TECTA: variants seen among roughly 807,000 people sequenced by gnomAD.
TECTA encodes the protein tectorin alpha, also known as alpha-tectorin.
In TECTA, 128 loss-of-function variants were observed where a neutral mutation model predicts 216.8. That is an observed-to-expected ratio of 0.59 (90% CI 0.51 to 0.68). The LOEUF (loss-of-function observed/expected upper bound fraction) is 0.68, where lower values mean the gene tolerates loss of function less well. Among genes scored for constraint, TECTA ranks in the 30% least tolerant of loss-of-function variants. The pLI, the probability that TECTA is intolerant of heterozygous loss-of-function variation, is 0.00. For synonymous variants in TECTA, 1,089 were observed against 1,117.1 expected, an observed-to-expected ratio of 0.97 and a Z score of 0.50; for missense variants, 2,551 against 2,786.2, an observed-to-expected ratio of 0.92 and a Z score of 1.90.
chr11:121,141,890 A>C (rs1002643692), intron 11 of TECTA, among the ~76,000 whole-genome samples: 3 of 152,230 alleles, frequency 2.0e-5, no homozygotes, highest in Non-Finnish European at 2.9e-5. Context: ...GTTAATGTCC[A>C]TGTAACATGA....
At chr11:121,138,094 C>A in intron 11 of TECTA, 72 bp downstream of exon 11, 1 of 1,603,402 alleles carries the variant, frequency 6.2e-7, no homozygotes, top group African/African-American at 1.3e-5. Flanking sequence ...AGCCAGGCTG[C>A]AGCTGAATCA....
chr11:121,168,619 G>A (rs2134197769), intron 19 of TECTA, 58 bp from the exon 20 acceptor site: 1 of 1,613,524 alleles, frequency 6.2e-7, no homozygotes, highest in Non-Finnish European at 8.5e-7. Flanking sequence ...AAAAATGGTA[G>A]GTAATTGAAT....
intron 11 of TECTA, among the ~76,000 whole-genome samples, chr11:121,142,242 C>T (rs1299617331): frequency 1.3e-5 from 2 of 152,168 alleles, no homozygotes; most frequent in Admixed American, 6.5e-5. Context: ...AATACACTTT[C>T]CCCCACTCCT....
chr11:121,169,898 A>G (rs902698974), intron 20 of TECTA, among the ~76,000 whole-genome samples: 1 of 152,178 alleles, frequency 6.6e-6, no homozygotes, highest in African/African-American at 2.4e-5. Context: ...ATTTTGAAAT[A>G]TACAATAAAT....
At chr11:121,133,237 C>T (rs1361516439) in intron 10 of TECTA, among the ~76,000 whole-genome samples, 1 of 152,152 alleles carries the variant, frequency 6.6e-6, no homozygotes, top group East Asian at 1.9e-4. Context: ...CTGTCTCTTC[C>T]TTCCTCCCTC....
chr11:121,125,468 C>T lies in TECTA; in HGVS notation c.1370C>T (p.Thr457Ile). Reference protein sequence around the residue: ...ISVPGSYINSTCGLCGNYNKN... With the variant: ...ISVPGSYINSICGLCGNYNKN... ...GTCCCAGGCTCCTATATAAACTCCA[C>T]CTGTGGACTCTGTGGAAACTATAAT... is the stretch of plus-strand genomic sequence containing the variant. The change falls in exon 8 of 24, where the codon ACC becomes ATC. Residue 457 changes from threonine (T) to isoleucine (I), a missense_variant. Coordinates refer to ENST00000392793, the MANE Select transcript of TECTA (RefSeq NM_005422.4). 6.2e-7 allele frequency: 1 copy of T among 1,614,204 alleles called. No homozygotes were observed. The highest frequency in any genetic ancestry group is 8.5e-7 in the Non-Finnish European group (1 of 1,180,044).
At chr11:121,163,025 G>GACAT (rs1947016998) in intron 16 of TECTA, among the ~76,000 whole-genome samples, 1 of 152,122 alleles carries the variant, frequency 6.6e-6, no homozygotes, top group South Asian at 2.1e-4. Context: ...ATGTGCCATA[G>GACAT]ACATACATGT....
chr11:121,162,965 TG>T (rs1947016368), intron 16 of TECTA, among the ~76,000 whole-genome samples: 1 of 152,268 alleles, frequency 6.6e-6, no homozygotes, highest in African/African-American at 2.4e-5. Flanking sequence ...ATTTTCTTAC[TG>T]TGTTAATCAA....
chr11:121,168,684 A>T lies in TECTA; in HGVS notation c.5758A>T (p.Asn1920Tyr), dbSNP rs1210566756. The T allele has an allele frequency of 6.2e-7, 1 of 1,614,182 alleles. No individual in the cohort carries two copies. Among genetic ancestry groups the T allele is most frequent in the East Asian group, 2.2e-5 (1 of 44,890 alleles). Residue 1920 changes from asparagine (N) to tyrosine (Y), a missense_variant, in exon 20 of 24, where the codon AAC becomes TAC. This residue lies in a region of TECTA where 2,375 missense variants were observed against 2,563.9 expected (regional missense o/e 0.93). Coordinates refer to ENST00000392793, the MANE Select transcript of TECTA (RefSeq NM_005422.4). ...SVVKPMLSVI[N>Y]LTVPTQEGSF... ...TAATTGTTTCCGTTTTAGTGTAATT[A>T]ACCTGACAGTTCCAACCCAAGAAGG...
At chr11:121,165,471 A>G (rs1947043760) in intron 17 of TECTA, 88 bp downstream of exon 17, 1 of 1,088,740 alleles carries the variant, frequency 9.2e-7, no homozygotes, top group South Asian at 1.5e-5. Context: ...CCACTTTGTG[A>G]AGCTTTCCCA....
intron 8 of TECTA, 133 bp downstream of exon 8, chr11:121,126,005 T>G: frequency 9.4e-7 from 1 of 1,068,640 alleles, no homozygotes; most frequent in Non-Finnish European, 1.4e-6. Flanking sequence ...TTGCACAAAT[T>G]ACAAAGAACG....
chr11:121,180,998 T>C (rs1244862908), intron 20 of TECTA, among the ~76,000 whole-genome samples: 1 of 151,936 alleles, frequency 6.6e-6, no homozygotes, highest in Non-Finnish European at 1.5e-5. Flanking sequence ...AAACCCTGTC[T>C]CTACTAAAAA....
chr11:121,150,212 G>C (rs994671286), intron 12 of TECTA, among the ~76,000 whole-genome samples: 2 of 152,180 alleles, frequency 1.3e-5, no homozygotes, highest in Non-Finnish European at 2.9e-5. Flanking sequence ...AAACACTAAA[G>C]AGAAATTAGC....
chr11:121,179,375 A>G lies in TECTA; in HGVS notation c.6000-8457A>G, dbSNP rs116853997. ...TCTCTTATTATTGATTTCTAGTTTT[A>G]TTCCATTGTGGTCTGAGAAGATAGT... On this transcript the variant is annotated intron_variant, in intron 20 of 23. Coordinates refer to ENST00000392793, the MANE Select transcript of TECTA (RefSeq NM_005422.4). Among the ~76,000 whole-genome samples, 2,315 of 152,186 alleles carry G rather than the reference A, an allele frequency of 0.015. 134 individuals carry two copies. In the East Asian group the frequency reaches 0.16, roughly 11 times the overall value.
At chr11:121,106,415 T>C (rs906426032) in intron 3 of TECTA, among the ~76,000 whole-genome samples, 1 of 152,210 alleles carries the variant, frequency 6.6e-6, no homozygotes, top group African/African-American at 2.4e-5. Context: ...TCAACTATTA[T>C]ATCAAAGTTG....
intron 2 of TECTA, 68 bp downstream of exon 2, chr11:121,102,797 A>G (rs1308651478): frequency 2.9e-6 from 4 of 1,374,432 alleles, no homozygotes; most frequent in Non-Finnish European, 3.1e-6. Context: ...AGACACTTTT[A>G]TTGGAACCAC....
intron 10 of TECTA, among the ~76,000 whole-genome samples, chr11:121,132,347 T>C (rs1194598911): frequency 6.6e-6 from 1 of 152,224 alleles, no homozygotes. Context: ...ATGGTTTCTG[T>C]TGACATTTGC....
rs371520052 is a variant in TECTA, at chr11:121,168,136, G to A, written c.5669G>A (p.Arg1890His). Residue 1890 changes from arginine to histidine, a missense_variant, in exon 19 of 24, where the codon CGC becomes CAC. This residue lies in a region of TECTA where 2,375 missense variants were observed against 2,563.9 expected (regional missense o/e 0.93). Transcript: ENST00000392793. ...NNTGNIITRD[R>H]TINVEFSCAY... Reference sequence around the variant, plus strand: ...ACTGGCAACATCATCACCAGGGACCGCACGATCAATGTGGAATTTTCATGT... The same window carrying A: ...ACTGGCAACATCATCACCAGGGACCACACGATCAATGTGGAATTTTCATGT... The A allele has an allele frequency of 1.7e-5, 28 of 1,614,050 alleles. No homozygotes were observed. Among genetic ancestry groups the A allele is most frequent in the Middle Eastern group, 3.3e-4 (2 of 6,084 alleles).
In TECTA at chr11:121,128,172, C is replaced by G. The variant is rs1209665831; in HGVS notation, c.2195C>G (p.Pro732Arg). ...HTFDGASYAFPSEFSYTLLKT... is the reference protein window; with the variant it reads ...HTFDGASYAFRSEFSYTLLKT... ...TTTGACGGCGCCTCCTACGCCTTCC[C>G]CTCCGAGTTCTCCTACACCCTCCTG... The change falls in exon 9 of 24, where the codon CCC (proline) becomes CGC (arginine). Residue 732 changes from proline to arginine, a missense_variant. Transcript: ENST00000392793. 1 of 1,609,800 alleles carries G rather than the reference C, an allele frequency of 6.2e-7. No homozygotes were observed. The highest frequency in any genetic ancestry group is 1.7e-5 in the Admixed American group (1 of 60,032).
Sources: gnomAD v4.1 joint callset for allele counts (sites outside exome capture counted in the v4.1 genomes callset) on GRCh38, gnomAD v4.1.1 for gene constraint, gnomAD v4.1.1 regional missense constraint, MANE v1.5 for transcripts, NCBI Gene and HGNC (gene_info 2026-07-23, HGNC 2026-07-21) for gene names.